NEGR1: variants seen among roughly 807,000 people sequenced by gnomAD.
NEGR1 encodes IgLON family member 4.
NEGR1 carries 10 observed loss-of-function variants against 40.9 expected under a neutral mutation model. The ratio of observed to expected loss-of-function variants is 0.24; its 90% CI spans 0.15 to 0.42. NEGR1 has a LOEUF of 0.42. Among genes scored for constraint, NEGR1 ranks in the 10% least tolerant of loss-of-function variants. The pLI is 1.00. For synonymous variants in NEGR1, 185 were observed against 166.8 expected (o/e 1.11, Z -0.84); for missense variants, 352 against 438.9 (o/e 0.80, Z 1.77).
At chr1:71,608,071 C>A (rs1173582233) in intron 5 of NEGR1, among the ~76,000 whole-genome samples, 2 of 152,196 alleles carry the variant, frequency 1.3e-5, no homozygotes, top group Admixed American at 6.5e-5. Flanking sequence ...ATTCAGCAAC[C>A]AGAATCCTTC....
intron 3 of NEGR1, among the ~76,000 whole-genome samples, chr1:71,699,613 T>C (rs1653613683): frequency 6.6e-6 from 1 of 150,994 alleles, no homozygotes; most frequent in South Asian, 2.1e-4. Flanking sequence ...TTATAAAGAG[T>C]AAGGATGGTA....
chr1:72,068,274 G>C (rs956642143), intron 1 of NEGR1, among the ~76,000 whole-genome samples: 6 of 152,128 alleles, frequency 3.9e-5, no homozygotes, highest in Non-Finnish European at 5.9e-5. Context: ...CACATGGCAG[G>C]ATCCAGGATC....
intron 6 of NEGR1, among the ~76,000 whole-genome samples, chr1:71,565,294 A>T (rs1476602281): frequency 6.6e-6 from 1 of 152,202 alleles, no homozygotes; most frequent in Non-Finnish European, 1.5e-5. Context: ...AAAGGAAAAG[A>T]AAAGGAAAAA....
intron 1 of NEGR1, among the ~76,000 whole-genome samples, chr1:72,153,356 T>A (rs1418348560): frequency 6.6e-6 from 1 of 151,852 alleles, no homozygotes; most frequent in Non-Finnish European, 1.5e-5. Flanking sequence ...CACACACTAT[T>A]TAGAATGCAA....
At chr1:71,868,795 C>T (rs1340501812) in intron 2 of NEGR1, among the ~76,000 whole-genome samples, 3 of 151,878 alleles carry the variant, frequency 2.0e-5, no homozygotes, top group African/African-American at 7.3e-5. Flanking sequence ...TGACCTAATA[C>T]TCTCTTCCTC....
intron 2 of NEGR1, among the ~76,000 whole-genome samples, chr1:71,850,133 CT>C (rs532348674): frequency 7.4e-5 from 11 of 149,396 alleles, no homozygotes; most frequent in African/African-American, 1.5e-4. Context: ...AATCTACTGT[CT>C]TTTTTTGTTT....
intron 1 of NEGR1, among the ~76,000 whole-genome samples, chr1:72,071,513 A>G (rs1246713268): frequency 6.6e-6 from 1 of 152,048 alleles, no homozygotes; most frequent in Admixed American, 6.6e-5. Flanking sequence ...CATCCAGGCA[A>G]AAAATTTAGT....
At chr1:71,868,164 C>G (rs924007384) in intron 2 of NEGR1, among the ~76,000 whole-genome samples, 10 of 152,164 alleles carry the variant, frequency 6.6e-5, no homozygotes, top group African/African-American at 2.4e-4. Flanking sequence ...ATCTCTCCAG[C>G]GTGTTTTTTA....
chr1:72,020,055 T>C (rs1646743273), intron 1 of NEGR1, among the ~76,000 whole-genome samples: 2 of 152,214 alleles, frequency 1.3e-5, no homozygotes, highest in African/African-American at 4.8e-5. Flanking sequence ...TAAAATTACT[T>C]CTGAGTATAA....
intron 3 of NEGR1, among the ~76,000 whole-genome samples, chr1:71,714,274 C>T (rs1041659697): frequency 6.6e-6 from 1 of 152,178 alleles, no homozygotes; most frequent in East Asian, 1.9e-4. Context: ...ATTACCTCCT[C>T]CTGGTACTGC....
At chr1:71,412,804 T>G (rs1014970521) in intron 6 of NEGR1, among the ~76,000 whole-genome samples, 1 of 152,220 alleles carries the variant, frequency 6.6e-6, no homozygotes, top group Admixed American at 6.5e-5. Context: ...AGGTTGAAGA[T>G]TTAAAACTAA....
intron 1 of NEGR1, among the ~76,000 whole-genome samples, chr1:72,039,619 G>T (rs1646934580): frequency 6.6e-6 from 1 of 151,992 alleles, no homozygotes; most frequent in Non-Finnish European, 1.5e-5. Flanking sequence ...GGATCAAGAA[G>T]ATGTTGGAGT....
intron 1 of NEGR1, among the ~76,000 whole-genome samples, chr1:72,039,435 A>G (rs1646932795): frequency 6.6e-6 from 1 of 151,992 alleles, no homozygotes; most frequent in African/African-American, 2.4e-5. Context: ...AGTAAGCAGG[A>G]GAACATGTAT....
chr1:71,604,791 C>T (rs1650028116), intron 5 of NEGR1, among the ~76,000 whole-genome samples: 1 of 152,020 alleles, frequency 6.6e-6, no homozygotes, highest in South Asian at 2.1e-4. Flanking sequence ...ATAACTAACC[C>T]TTCTCACCAG....
chr1:71,874,789 T>C (rs1486791546), intron 2 of NEGR1, among the ~76,000 whole-genome samples: 1 of 152,166 alleles, frequency 6.6e-6, no homozygotes, highest in Non-Finnish European at 1.5e-5. Context: ...GTCAATGTTC[T>C]GTGGATATTG....
intron 6 of NEGR1, chr1:71,486,435 G>T (rs552225695): frequency 1.3e-5 from 2 of 150,640 alleles, no homozygotes; most frequent in Non-Finnish European, 3.0e-5. Flanking sequence ...AACTCAACCC[G>T]TCTCTTTAGA....
At chr1:72,275,636 T>C (rs927555256) in intron 1 of NEGR1, among the ~76,000 whole-genome samples, 2 of 151,960 alleles carry the variant, frequency 1.3e-5, no homozygotes, top group Non-Finnish European at 2.9e-5. Context: ...CCTGAGAGAG[T>C]CATTTAACGA....
chr1:71,556,822 C>T (rs947490085), intron 6 of NEGR1, among the ~76,000 whole-genome samples: 10 of 151,512 alleles, frequency 6.6e-5, no homozygotes, highest in Non-Finnish European at 1.3e-4. Flanking sequence ...TTCAATTAAC[C>T]TATTTCTCAT....
chr1:72,092,470 C>T (rs1238691926), intron 1 of NEGR1, among the ~76,000 whole-genome samples: 2 of 152,058 alleles, frequency 1.3e-5, no homozygotes, highest in Non-Finnish European at 2.9e-5. Flanking sequence ...TGGAAGGAAA[C>T]ATGCCTTTAA....
Sources: allele counts gnomAD v4.1 joint callset (sites outside exome capture counted in the v4.1 genomes callset), GRCh38; gene constraint gnomAD v4.1.1; transcripts MANE v1.5; gene names NCBI Gene and HGNC (gene_info 2026-07-23, HGNC 2026-07-21).